The following EXOSC4 variants were observed in gnomAD, a reference collection of about 807,000 sequenced individuals.
EXOSC4 encodes the protein exosome complex component RRP41.
Under a neutral mutation model 20.0 loss-of-function variants are expected in EXOSC4, and 14 were observed. That is an observed-to-expected ratio of 0.70 (90% CI 0.46 to 1.09). EXOSC4 has a LOEUF of 1.09. Ranked by LOEUF, EXOSC4 falls within the 50% of genes least tolerant of loss-of-function variation. EXOSC4 has a pLI of 0.00. For missense variants in EXOSC4, 337 were observed against 334.0 expected (o/e 1.01, Z -0.07); for synonymous variants, 148 against 146.4 (o/e 1.01, Z -0.08).
chr8:144,068,626 CAGCAAAGCAA>C, the EXOSC4 span, among the ~76,000 whole-genome samples: 2 of 152,222 alleles, frequency 1.3e-5, no homozygotes, highest in African/African-American at 4.8e-5. Context: ...AAGGGGCATA[CAGCAAAGCAA>C]GAAGCATTTA....
chr8:144,075,658 G>A (rs782648531), upstream of EXOSC4, among the ~76,000 whole-genome samples: 10 of 152,206 alleles, frequency 6.6e-5, no homozygotes, highest in Non-Finnish European at 1.3e-4. Context: ...ACAAGCGCGA[G>A]CACCGCGTCT....
the EXOSC4 span, among the ~76,000 whole-genome samples, chr8:144,070,006 G>A: frequency 2.0e-5 from 3 of 152,262 alleles, no homozygotes; most frequent in Admixed American, 6.5e-5. Flanking sequence ...GGGCTGTTCC[G>A]CCCGGGCGTG....
At chr8:144,065,171 C>G in the EXOSC4 span, among the ~76,000 whole-genome samples, 5 of 152,192 alleles carry the variant, frequency 3.3e-5, 1 homozygote, top group Admixed American at 3.3e-4. Flanking sequence ...AGGGACACTT[C>G]TGCACAGTTA....
chr8:144,074,224 G>A (rs1201400802), upstream of EXOSC4, among the ~76,000 whole-genome samples: 1 of 152,158 alleles, frequency 6.6e-6, no homozygotes, highest in Admixed American at 6.5e-5. Context: ...AGCTAAAACT[G>A]TCTCTTCCCC....
the EXOSC4 span, among the ~76,000 whole-genome samples, chr8:144,069,077 G>A: frequency 6.6e-6 from 1 of 152,266 alleles, no homozygotes; most frequent in Non-Finnish European, 1.5e-5. Context: ...GGACAGCTGT[G>A]TGAAACTGAT....
Position 144,080,000 on chromosome 8 carries a change from A to C in EXOSC4, c.229A>C (p.Ser77Arg), listed in dbSNP as rs782817228. The C allele has an allele frequency of 9.9e-6, 16 of 1,614,070 alleles. No individual in the cohort carries two copies. The South Asian group carries it at 1.3e-4, about 13-fold the overall frequency. The part of the protein sequence containing the change: ...PDRALVNCQY[S>R]SATFSTGERK... ...CAGGGCCCTAGTGAACTGTCAATAT[A>C]GTTCAGCGACCTTCAGCACAGGTGA... is the stretch of plus-strand genomic sequence containing the variant. The change falls in exon 2 of 3, where the codon AGT becomes CGT. Residue 77 changes from serine (S) to arginine (R), a missense_variant. Transcript: ENST00000316052.
At chr8:144,075,741 G>A (rs767280687), upstream of EXOSC4, among the ~76,000 whole-genome samples, 3 of 152,234 alleles carry the variant, frequency 2.0e-5, no homozygotes, top group Non-Finnish European at 2.9e-5. Flanking sequence ...ATCAGAGAAC[G>A]CATCAAAGAA....
At chr8:144,064,520 C>G in the EXOSC4 span, among the ~76,000 whole-genome samples, 5 of 152,260 alleles carry the variant, frequency 3.3e-5, no homozygotes, top group Admixed American at 1.3e-4. Context: ...GCTAGGACAG[C>G]ATGGGAGGGG....
intron 1 of EXOSC4, chr8:144,079,515 G>A (rs192226518): frequency 2.2e-5 from 8 of 357,482 alleles, no homozygotes; most frequent in Non-Finnish European, 3.3e-5. Flanking sequence ...AGGCACTTAT[G>A]CAGAGCAGAA....
At chr8:144,072,427 C>T in the EXOSC4 span, among the ~76,000 whole-genome samples, 1 of 152,100 alleles carries the variant, frequency 6.6e-6, no homozygotes, top group South Asian at 2.1e-4. Context: ...ATGATCTGCC[C>T]GTCTCAGCCT....
chr8:144,078,610 C>A, upstream of EXOSC4: 1 of 1,163,450 alleles, frequency 8.6e-7, no homozygotes, highest in Non-Finnish European at 1.1e-6. The surrounding 1 kb of genome is among the most constrained non-coding windows in gnomAD (Gnocchi z 4.7). Context: ...TTCCCCGGAA[C>A]CGGAAGTGAT....
At chr8:144,065,451 G>A in the EXOSC4 span, among the ~76,000 whole-genome samples, 241 of 152,178 alleles carry the variant, frequency 1.6e-3, 3 homozygotes, top group East Asian at 0.039. Flanking sequence ...ATTCTCGGCC[G>A]GGTGCAGGGG....
At chr8:144,073,607 C>G in the EXOSC4 span, among the ~76,000 whole-genome samples, 2 of 152,138 alleles carry the variant, frequency 1.3e-5, no homozygotes, top group African/African-American at 4.8e-5. Flanking sequence ...AATCCCACCA[C>G]TTTGGGAGGC....
the EXOSC4 span, among the ~76,000 whole-genome samples, chr8:144,069,927 G>A: frequency 6.6e-6 from 1 of 152,260 alleles, no homozygotes; most frequent in Admixed American, 6.5e-5. Context: ...AGGGTGACTA[G>A]TCCAGAGCAT....
At chr8:144,067,410 G>A in the EXOSC4 span, among the ~76,000 whole-genome samples, 1 of 152,176 alleles carries the variant, frequency 6.6e-6, no homozygotes, top group African/African-American at 2.4e-5. Flanking sequence ...ACACAGGGGA[G>A]AGTCTCCACT....
the EXOSC4 span, among the ~76,000 whole-genome samples, chr8:144,073,169 T>C: frequency 6.6e-6 from 1 of 152,000 alleles, no homozygotes; most frequent in Admixed American, 6.5e-5. Flanking sequence ...GCGGATCACC[T>C]GAGGTCAGGA....
chr8:144,069,550 A>G, the EXOSC4 span, among the ~76,000 whole-genome samples: 1 of 152,114 alleles, frequency 6.6e-6, no homozygotes, highest in South Asian at 2.1e-4. Flanking sequence ...CTCCTAAAGG[A>G]CGCTTGGAAT....
the EXOSC4 span, among the ~76,000 whole-genome samples, chr8:144,071,138 C>T: frequency 4.0e-5 from 6 of 150,324 alleles, no homozygotes; most frequent in Admixed American, 1.3e-4. Flanking sequence ...ATGTGATATA[C>T]GCTCTAAAGT....
At chr8:144,074,901 G>A (rs924361983), upstream of EXOSC4, among the ~76,000 whole-genome samples, 2 of 151,970 alleles carry the variant, frequency 1.3e-5, 1 homozygote, top group Middle Eastern at 6.3e-3. Flanking sequence ...GCTCATATGT[G>A]GAAGAAATTT....
Sources: allele counts gnomAD v4.1 joint callset (sites outside exome capture counted in the v4.1 genomes callset), GRCh38; gene constraint gnomAD v4.1.1; non-coding constraint Gnocchi (gnomAD v3.1); transcripts MANE v1.5; gene names NCBI Gene and HGNC (gene_info 2026-07-23, HGNC 2026-07-21).